HIPK1: variants seen among roughly 807,000 people sequenced by gnomAD.
HIPK1 encodes homeodomain-interacting protein kinase 1.
In HIPK1, 28 loss-of-function variants were observed where a neutral mutation model predicts 117.1. The observed-to-expected ratio is 0.24, with a 90% CI of 0.18 to 0.33. The LOEUF (loss-of-function observed/expected upper bound fraction) is 0.33. Among genes scored for constraint, HIPK1 ranks in the 10% least tolerant of loss-of-function variants. HIPK1 has a pLI of 1.00. For synonymous variants in HIPK1, 605 were observed against 562.5 expected (o/e 1.08, Z -1.07); for missense variants, 1,122 against 1,475.1 (o/e 0.76, Z 3.92).
chr1:113,956,067 A>ATTTTTTTTT (rs755763487), intron 5 of HIPK1, among the ~76,000 whole-genome samples: 1 of 91,826 alleles, frequency 1.1e-5, no homozygotes, highest in African/African-American at 4.4e-5. Flanking sequence ...TACTTGTTCC[A>ATTTTTTTTT]TTTTTTTTTT....
rs111775191 is a variant in HIPK1 at position 113,971,245 on chromosome 1, G to C, written c.3014-579G>C. 1.8e-4 allele frequency among the ~76,000 whole-genome samples: 27 copies of C among 152,284 alleles called. 2 individuals carry two copies. The highest frequency in any genetic ancestry group is 6.3e-4 in the African/African-American group (26 of 41,562). On this transcript the variant is annotated intron_variant, in intron 14 of 15. Transcript: ENST00000426820. Reference sequence around the variant, plus strand: ...ACTGAATAGAATTATTAGTACCTCCGTGTGCTCTTGGGTCCAGAGAATATA... The same window carrying C: ...ACTGAATAGAATTATTAGTACCTCCCTGTGCTCTTGGGTCCAGAGAATATA...
chr1:113,937,772 A>C (rs1263126541), intron 1 of HIPK1, among the ~76,000 whole-genome samples: 2 of 152,206 alleles, frequency 1.3e-5, no homozygotes, highest in East Asian at 3.9e-4. Context: ...GCGTTTCTGC[A>C]TGTGACAGAG....
chr1:113,938,980 A>T (rs1185576637), intron 1 of HIPK1, among the ~76,000 whole-genome samples: 1 of 145,890 alleles, frequency 6.9e-6, no homozygotes, highest in East Asian at 2.2e-4. Flanking sequence ...GATGGAATGG[A>T]TAAGATAGAG....
chr1:113,951,980 C>T (rs1671396987), intron 2 of HIPK1, among the ~76,000 whole-genome samples: 1 of 137,088 alleles, frequency 7.3e-6, no homozygotes, highest in African/African-American at 2.8e-5. Context: ...CTTGGGTCTC[C>T]TAGGCTGGAG....
chr1:113,937,325 C>G (rs1355914259), intron 1 of HIPK1, among the ~76,000 whole-genome samples: 1 of 152,128 alleles, frequency 6.6e-6, no homozygotes, highest in Non-Finnish European at 1.5e-5. Flanking sequence ...TTTTGATGTT[C>G]TGTAACATCC....
rs1250969995 is a variant in HIPK1 at position 113,976,831 on chromosome 1, C to T, written c.*3319C>T. On this transcript the variant is annotated 3_prime_UTR_variant, in exon 16 of 16. Coordinates refer to ENST00000426820, the MANE Select transcript of HIPK1 (RefSeq NM_198268.3). ...CAGCTTAAGGCTTTAAGTCCTCTCT[C>T]AGAACTTGGCATTTCCAACTTCTTC... The T allele has an allele frequency of 1.3e-5, 2 of 152,824 alleles. No individual in the cohort carries two copies. The highest frequency in any genetic ancestry group is 2.9e-5 in the Non-Finnish European group (2 of 68,064). 9.5% of individuals were successfully genotyped at this position (152,824 alleles called of 1,614,324 possible).
At chr1:113,971,767 A>G in intron 14 of HIPK1, 57 bp from the exon 15 acceptor site, 5 of 1,548,872 alleles carry the variant, frequency 3.2e-6, no homozygotes, top group Non-Finnish European at 4.3e-6. Flanking sequence ...ATATGATGCC[A>G]TCTGAGGTTA....
At chr1:113,937,668 A>G (rs753802732) in intron 1 of HIPK1, among the ~76,000 whole-genome samples, 9 of 152,170 alleles carry the variant, frequency 5.9e-5, no homozygotes, top group Non-Finnish European at 1.0e-4. Context: ...GCCGGAGCTT[A>G]TACTGTAGCT....
intron 1 of HIPK1, among the ~76,000 whole-genome samples, chr1:113,935,257 C>T (rs1261558950): frequency 6.6e-6 from 1 of 152,128 alleles, no homozygotes; most frequent in Non-Finnish European, 1.5e-5. Context: ...TTAGCTCCCA[C>T]TTTTAAGTGA....
intron 15 of HIPK1, chr1:113,972,187 C>G (rs1672883265): frequency 3.2e-6 from 4 of 1,237,690 alleles, no homozygotes; most frequent in African/African-American, 1.6e-5. Context: ...TAAGTCTACC[C>G]TGGAAGGTTA....
Position 113,970,010 on chromosome 1 carries a change from T to A in HIPK1, c.2826T>A (p.Ser942=). The change falls in exon 14 of 16, where the codon TCT becomes TCA. Residue 942 remains serine (S), a synonymous_variant. Coordinates refer to ENST00000426820, the MANE Select transcript of HIPK1 (RefSeq NM_198268.3). The stretch of plus-strand genomic sequence containing the variant: ...TCAGTTATGTCACTGTCAATGATTC[T>A]CCAGACTCTGACTCTTCTTTGAGCA... The part of the protein sequence containing the change: ...NVISYVTVND[S]PDSDSSLSSP... The A allele has an allele frequency of 3.7e-6, 6 of 1,614,164 alleles. No homozygotes were observed. The highest frequency in any genetic ancestry group is 2.5e-6 in the Non-Finnish European group (3 of 1,179,966).
At chr1:113,968,772 G>C (rs957375676) in intron 13 of HIPK1, 124 bp downstream of exon 13, 23 of 749,578 alleles carry the variant, frequency 3.1e-5, no homozygotes, top group Non-Finnish European at 5.0e-5. Flanking sequence ...TGTAATCCCA[G>C]CACTTTGGGA....
At chr1:113,966,051 TTTTC>T in intron 10 of HIPK1, 75 bp from the exon 11 acceptor site, 2 of 1,424,782 alleles carry the variant, frequency 1.4e-6, no homozygotes, top group Admixed American at 2.2e-5. Flanking sequence ...AGATATGAAT[TTTTC>T]TTTCTTTAAA....
intron 1 of HIPK1, among the ~76,000 whole-genome samples, chr1:113,934,819 C>T (rs1368032990): frequency 2.2e-5 from 3 of 139,022 alleles, no homozygotes; most frequent in Non-Finnish European, 4.6e-5. Context: ...AATTAGCCAA[C>T]TGTGGCATGT....
chr1:113,944,413 C>T (rs1390614065), intron 2 of HIPK1, among the ~76,000 whole-genome samples: 2 of 151,236 alleles, frequency 1.3e-5, no homozygotes, highest in African/African-American at 2.4e-5. Context: ...ATCTGCCCAC[C>T]TTGGCCTCCC....
Position 113,971,935 on chromosome 1 carries a change from A to G in HIPK1, c.3125A>G (p.Gln1042Arg). Residue 1042 changes from glutamine (Q) to arginine (R), a missense_variant, in exon 15 of 16, where the codon CAA becomes CGA. By Grantham distance (43) the Gln-to-Arg change is conservative. Around this residue, in one of 6 missense-constraint regions of HIPK1, gnomAD observed 731 missense variants for 860.4 expected, o/e 0.85. Coordinates refer to ENST00000426820, the MANE Select transcript of HIPK1 (RefSeq NM_198268.3). The stretch of plus-strand genomic sequence containing the variant: ...CAACGCGGGGGGACCAGTGCAGCAC[A>G]ACCACTCAATCTTAGCCAGGTAAGT... ...RAQRGGTSAA[Q>R]PLNLSQNQQS... 6.2e-7 allele frequency: 1 copy of G among 1,610,722 alleles called. No individual in the cohort carries two copies. Among genetic ancestry groups the G allele is most frequent in the Non-Finnish European group, 8.5e-7 (1 of 1,178,536 alleles).
In HIPK1 at chr1:113,954,765, C is replaced by A. The variant is rs748954984; in HGVS notation, c.1315C>A (p.Leu439Ile). 3.1e-6 allele frequency: 5 copies of A among 1,613,836 alleles called. No homozygotes were observed. In the East Asian group the frequency reaches 8.9e-5, roughly 29 times the overall value. ...DPNLGYPLWR[L>I]KTPEEHELET... Reference sequence around the variant, plus strand: ...TAATTTGGGGTACCCACTGTGGAGGCTTAAGGTCTGTCTTCCCTACTATGC... The same window carrying A: ...TAATTTGGGGTACCCACTGTGGAGGATTAAGGTCTGTCTTCCCTACTATGC... Residue 439 changes from leucine to isoleucine, a missense_variant, in exon 4 of 16, where the codon CTT becomes ATT. Coordinates refer to ENST00000426820, the MANE Select transcript of HIPK1 (RefSeq NM_198268.3).
At chr1:113,929,689 G>A (rs1396458031) in intron 1 of HIPK1, 157 bp downstream of exon 1, 3 of 864,984 alleles carry the variant, frequency 3.5e-6, no homozygotes, top group Non-Finnish European at 4.4e-6. Context: ...GCAGGAGGCC[G>A]AGGCGGGAGC....
chr1:113,963,898 G>A (rs1672288331), intron 10 of HIPK1, among the ~76,000 whole-genome samples: 1 of 152,196 alleles, frequency 6.6e-6, no homozygotes, highest in Non-Finnish European at 1.5e-5. Flanking sequence ...CCTTGAGAAT[G>A]AAGGAAATGG....
Sources: gnomAD v4.1 joint callset for allele counts (sites outside exome capture counted in the v4.1 genomes callset) on GRCh38, gnomAD v4.1.1 for gene constraint, gnomAD v4.1.1 regional missense constraint, MANE v1.5 for transcripts, NCBI Gene and HGNC (gene_info 2026-07-23, HGNC 2026-07-21) for gene names.